Variants in SLC44A1 observed in about 807,000 individuals in gnomAD.
SLC44A1 encodes choline transporter-like protein 1.
In SLC44A1, 26 loss-of-function variants were observed where a neutral mutation model predicts 79.3. The observed-to-expected ratio is 0.33, with a 90% CI of 0.24 to 0.46. The LOEUF (loss-of-function observed/expected upper bound fraction) is 0.46, where lower values mean the gene tolerates loss of function less well. Among genes scored for constraint, SLC44A1 ranks in the 20% least tolerant of loss-of-function variants. The probability of loss-of-function intolerance (pLI) is 1.00; values close to 1 mark genes in which losing one functional copy is unlikely to be tolerated. For missense variants in SLC44A1, 688 were observed against 798.1 expected, an observed-to-expected ratio of 0.86 and a Z score of 1.66; for synonymous variants, 263 against 286.2, an observed-to-expected ratio of 0.92 and a Z score of 0.82.
chr9:105,383,027 T>C, intron 13 of SLC44A1, 96 bp from the exon 14 acceptor site: 2 of 825,204 alleles, frequency 2.4e-6, no homozygotes, highest in Non-Finnish European at 2.0e-6. Context: ...GCAACCATCA[T>C]TTATAAATAG....
At chr9:105,356,445 A>G in intron 6 of SLC44A1, 64 bp downstream of exon 6, 1 of 1,151,752 alleles carries the variant, frequency 8.7e-7, no homozygotes. Context: ...TTTGTCTTTT[A>G]GCCAAAATAT....
chr9:105,318,479 C>T (rs1826277191), intron 3 of SLC44A1, among the ~76,000 whole-genome samples: 1 of 152,252 alleles, frequency 6.6e-6, no homozygotes, highest in Middle Eastern at 3.4e-3. Context: ...TACACCCGGC[C>T]TATACAGTTT....
chr9:105,412,935 A>T (rs181196004), intron 15 of SLC44A1, among the ~76,000 whole-genome samples: 1 of 152,222 alleles, frequency 6.6e-6, no homozygotes, highest in East Asian at 1.9e-4. Flanking sequence ...GTCAATCCAC[A>T]CCTGGAATAT....
intron 14 of SLC44A1, among the ~76,000 whole-genome samples, chr9:105,384,042 T>C (rs1457727735): frequency 6.6e-6 from 1 of 152,224 alleles, no homozygotes; most frequent in Admixed American, 6.5e-5. Context: ...TAATAGTAGT[T>C]TGCTATTAAG....
chr9:105,245,415 C>T (rs948745421), intron 1 of SLC44A1, among the ~76,000 whole-genome samples: 2 of 152,238 alleles, frequency 1.3e-5, no homozygotes, highest in South Asian at 4.1e-4. Context: ...TATTCTGTCC[C>T]TTTTCTCTTG....
chr9:105,301,058 C>T (rs1421194274), intron 2 of SLC44A1, among the ~76,000 whole-genome samples: 1 of 152,206 alleles, frequency 6.6e-6, no homozygotes. Context: ...GCGTGAGCCA[C>T]CGCACCCTGC....
Position 105,311,900 on chromosome 9 carries a change from C to T in SLC44A1, c.269+2034C>T, listed in dbSNP as rs1335158629. ...AAAGCAGCAGTCTTTGTGTTTGTCA[C>T]CTTCATTCCATCCTCTTCTTTCTCC... On this transcript the variant is annotated intron_variant, in intron 3 of 15. Coordinates refer to ENST00000374720, the MANE Select transcript of SLC44A1 (RefSeq NM_080546.5). Among the ~76,000 whole-genome samples the T allele has an allele frequency of 2.6e-5, 4 of 152,046 alleles. 1 individual carries two copies. The South Asian group carries it at 8.3e-4, about 31-fold the overall frequency.
intron 13 of SLC44A1, among the ~76,000 whole-genome samples, chr9:105,380,030 T>C (rs1285572168): frequency 6.6e-6 from 1 of 152,190 alleles, no homozygotes; most frequent in African/African-American, 2.4e-5. Context: ...ATGTTGCACT[T>C]ATGATGGCAA....
intron 12 of SLC44A1, among the ~76,000 whole-genome samples, chr9:105,374,367 TAAC>T (rs1828209443): frequency 6.6e-6 from 1 of 152,174 alleles, no homozygotes; most frequent in African/African-American, 2.4e-5. Flanking sequence ...TTTTAATAAA[TAAC>T]AATGTTTTTA....
intron 2 of SLC44A1, among the ~76,000 whole-genome samples, chr9:105,302,134 A>G (rs539387917): frequency 2.5e-4 from 38 of 152,152 alleles, no homozygotes; most frequent in Non-Finnish European, 5.3e-4. Context: ...TTTCAAAGCA[A>G]GTTGCTGTCA....
intron 1 of SLC44A1, among the ~76,000 whole-genome samples, chr9:105,298,666 T>C (rs937963607): frequency 6.6e-6 from 1 of 152,222 alleles, no homozygotes; most frequent in Admixed American, 6.5e-5. Context: ...GGAATCCATT[T>C]TGATGGGCAT....
At chr9:105,364,065 A>G (rs1373886514) in intron 9 of SLC44A1, among the ~76,000 whole-genome samples, 1 of 152,240 alleles carries the variant, frequency 6.6e-6, no homozygotes, top group African/African-American at 2.4e-5. Flanking sequence ...ACTTTCTTAC[A>G]GCCGTACTGA....
intron 2 of SLC44A1, among the ~76,000 whole-genome samples, chr9:105,305,681 T>C (rs1190742728): frequency 1.3e-5 from 2 of 152,122 alleles, no homozygotes; most frequent in Admixed American, 6.5e-5. Flanking sequence ...CTTTTTATTT[T>C]GAAACATTTT....
At chr9:105,365,896 A>G (rs535976295) in intron 11 of SLC44A1, among the ~76,000 whole-genome samples, 38 of 152,234 alleles carry the variant, frequency 2.5e-4, no homozygotes, top group Middle Eastern at 3.4e-3. Flanking sequence ...CCTCCTTAGA[A>G]CTTCTTCCCT....
At chr9:105,352,072 G>A (rs1016315256) in intron 5 of SLC44A1, among the ~76,000 whole-genome samples, 20 of 152,040 alleles carry the variant, frequency 1.3e-4, no homozygotes, top group African/African-American at 4.8e-4. Context: ...ACCAGCCTGA[G>A]CAACATAGCA....
chr9:105,437,803 A>G (rs1829483291), intron 15 of SLC44A1, among the ~76,000 whole-genome samples: 1 of 152,210 alleles, frequency 6.6e-6, no homozygotes, highest in African/African-American at 2.4e-5. Context: ...TGAGAGTACC[A>G]TAGAATCAAG....
chr9:105,348,569 T>G, intron 5 of SLC44A1, 118 bp downstream of exon 5: 1 of 587,986 alleles, frequency 1.7e-6, no homozygotes, highest in Non-Finnish European at 3.0e-6. Flanking sequence ...GTCCAATACT[T>G]TTATTAAAAA....
At chr9:105,383,385 AT>A in intron 14 of SLC44A1, 26 bp downstream of exon 14, 1 of 1,246,836 alleles carries the variant, frequency 8.0e-7, no homozygotes, top group Non-Finnish European at 1.2e-6. Context: ...GCCGTTTCCT[AT>A]TTTAGGGATA....
Position 105,389,614 on chromosome 9 carries a change from A to G in SLC44A1, c.*558A>G, listed in dbSNP as rs904892591. The G allele has an allele frequency of 1.6e-4, 192 of 1,176,868 alleles. No individual in the cohort carries two copies. The highest frequency in any genetic ancestry group is 9.9e-4 in the Admixed American group (23 of 23,284). The allele number at this position is 1,176,868 out of a possible 1,614,324, so 72.9% of individuals were successfully genotyped here. On this transcript the variant is annotated 3_prime_UTR_variant, in exon 16 of 16. Transcript: ENST00000374720. ...GTCATTTTACTTTTAGAAACATACA[A>G]TTGGGCCCAATATGGGAATTTTCAT...
Sources: gnomAD v4.1 joint callset for allele counts (sites outside exome capture counted in the v4.1 genomes callset) on GRCh38, gnomAD v4.1.1 for gene constraint, MANE v1.5 for transcripts, NCBI Gene and HGNC (gene_info 2026-07-23, HGNC 2026-07-21) for gene names.